RGL1: variants seen among roughly 807,000 people sequenced by gnomAD.
RGL1 encodes the protein ral guanine nucleotide dissociation stimulator like 1, also known as ral guanine nucleotide dissociation stimulator-like 1.
In RGL1, 24 loss-of-function variants were observed where a neutral mutation model predicts 95.2. The observed-to-expected ratio is 0.25, with a 90% CI of 0.18 to 0.35. The LOEUF (loss-of-function observed/expected upper bound fraction) is 0.35, where lower values mean the gene tolerates loss of function less well. RGL1 is among the 10% of genes least tolerant of loss of function. The pLI, the probability that RGL1 is intolerant of heterozygous loss-of-function variation, is 1.00. For missense variants in RGL1, 715 were observed against 936.3 expected, an observed-to-expected ratio of 0.76 and a Z score of 3.08; for synonymous variants, 329 against 344.9, an observed-to-expected ratio of 0.95 and a Z score of 0.51.
chr1:183,658,417 G>A (rs1651347610), intron 1 of RGL1, among the ~76,000 whole-genome samples: 1 of 152,204 alleles, frequency 6.6e-6, no homozygotes, highest in South Asian at 2.1e-4. Flanking sequence ...TCCCGCACCT[G>A]GCTCGGAGGG....
At chr1:183,878,061 A>G (rs1017586065) in intron 4 of RGL1, among the ~76,000 whole-genome samples, 1 of 152,204 alleles carries the variant, frequency 6.6e-6, no homozygotes, top group Non-Finnish European at 1.5e-5. Context: ...TGGTGTGTCC[A>G]CATCATGAGA....
At chr1:183,757,116 C>T (rs921205245) in intron 2 of RGL1, among the ~76,000 whole-genome samples, 1 of 151,112 alleles carries the variant, frequency 6.6e-6, no homozygotes, top group Non-Finnish European at 1.5e-5. Context: ...AATACCACAA[C>T]GATATGCAAT....
chr1:183,804,198 A>AT (rs10637613), upstream of RGL1, among the ~76,000 whole-genome samples: 77,861 of 149,860 alleles, frequency 0.52, 20,757 homozygotes, highest in East Asian at 0.87. Flanking sequence ...TGGGAGACCT[A>AT]TTTTTTTTTT....
intron 1 of RGL1, among the ~76,000 whole-genome samples, chr1:183,721,485 A>G (rs1368077832): frequency 3.7e-4 from 57 of 152,122 alleles, no homozygotes; most frequent in Admixed American, 3.7e-3. Context: ...ACTGGGTGCA[A>G]TCTTTCAAAG....
chr1:183,849,483 G>GTTTTTTTTTTTTTTTTTTTTTTTTTTTTT (rs1418103960), intron 3 of RGL1, among the ~76,000 whole-genome samples: 1 of 120,852 alleles, frequency 8.3e-6, no homozygotes, highest in African/African-American at 3.2e-5. Context: ...CCAGTTTTTA[G>GTTTTTTTTTTTTTTTTTTTTTTTTTTTTT]TTTTTTTTTT....
intron 1 of RGL1, among the ~76,000 whole-genome samples, chr1:183,662,860 A>G (rs1651745115): frequency 6.6e-6 from 1 of 152,248 alleles, no homozygotes; most frequent in African/African-American, 2.4e-5. Flanking sequence ...GTACCAAAAC[A>G]GAGACATAGA....
Position 183,918,171 on chromosome 1 carries a change from A to T in RGL1, c.2004+1470A>T, listed in dbSNP as rs770342623. Among the ~76,000 whole-genome samples, 87 of 152,344 alleles carry T rather than the reference A, an allele frequency of 5.7e-4. No individual in the cohort carries two copies. The Middle Eastern group carries it at 0.01, about 18-fold the overall frequency. ...GGACATTTAAATCAGAGGTACCAGT[A>T]TGACATCAGATGGCATTGTCTGATA... is the stretch of plus-strand genomic sequence containing the variant. On this transcript the variant is annotated intron_variant, in intron 16 of 17. Transcript: ENST00000360851.
intron 2 of RGL1, among the ~76,000 whole-genome samples, chr1:183,788,778 C>T (rs753797300): frequency 1.3e-4 from 20 of 152,176 alleles, no homozygotes; most frequent in Non-Finnish European, 2.5e-4. Context: ...AGATGTAGTG[C>T]TATTCTTATT....
chr1:183,661,695 T>C (rs1216661206), intron 1 of RGL1, among the ~76,000 whole-genome samples: 1 of 149,578 alleles, frequency 6.7e-6, no homozygotes, highest in Non-Finnish European at 1.5e-5. Flanking sequence ...GAATCCTCCC[T>C]AACTCATTTT....
intron 2 of RGL1, among the ~76,000 whole-genome samples, chr1:183,760,695 G>A (rs1238046585): frequency 1.3e-5 from 2 of 151,952 alleles, no homozygotes; most frequent in Non-Finnish European, 2.9e-5. Flanking sequence ...GGAGGCTGTA[G>A]TGAGGTATGA....
At chr1:183,769,468 T>C (rs944680024) in intron 2 of RGL1, among the ~76,000 whole-genome samples, 1 of 152,260 alleles carries the variant, frequency 6.6e-6, no homozygotes, top group Non-Finnish European at 1.5e-5. Context: ...ATTAAAGATT[T>C]ACATAAGTCA....
intron 1 of RGL1, among the ~76,000 whole-genome samples, chr1:183,688,910 G>GTAA (rs2102104443): frequency 6.6e-6 from 1 of 152,218 alleles, no homozygotes; most frequent in Admixed American, 6.5e-5. Flanking sequence ...TCCAAAGAGA[G>GTAA]GTTTACGAAG....
At position 183,645,446 on chromosome 1, in the gene RGL1, C is replaced by T. The variant is rs573474005; in HGVS notation, c.-33+8945C>T. Among the ~76,000 whole-genome samples, 66 of 152,328 alleles carry T rather than the reference C, an allele frequency of 4.3e-4. 1 individual carries two copies. Among genetic ancestry groups the T allele is most frequent in the African/African-American group, 1.6e-3 (66 of 41,580 alleles). Reference sequence around the variant, plus strand: ...TGTTTTCTTGGGATATATCCCAGTGCCTTTTCCAGATCATCATATTACTAG... The same window carrying T: ...TGTTTTCTTGGGATATATCCCAGTGTCTTTTCCAGATCATCATATTACTAG... On this transcript the variant is annotated intron_variant, in intron 1 of 18. Transcript: ENST00000304685.
chr1:183,842,536 A>C (rs568844687), intron 2 of RGL1, among the ~76,000 whole-genome samples: 9 of 152,134 alleles, frequency 5.9e-5, no homozygotes, highest in Non-Finnish European at 1.0e-4. Context: ...AGTTTTAGAT[A>C]TTTACCCCAT....
intron 2 of RGL1, among the ~76,000 whole-genome samples, chr1:183,833,142 CTTTAA>C (rs1187362761): frequency 6.6e-6 from 1 of 152,118 alleles, no homozygotes; most frequent in Non-Finnish European, 1.5e-5. Flanking sequence ...ATATATAGTT[CTTTAA>C]TTTAAAGCAG....
intron 17 of RGL1, among the ~76,000 whole-genome samples, chr1:183,922,963 C>A (rs1669397934): frequency 1.3e-5 from 2 of 152,048 alleles, no homozygotes; most frequent in South Asian, 4.2e-4. Flanking sequence ...AAATAATCAC[C>A]CTTGCATGTA....
intron 2 of RGL1, among the ~76,000 whole-genome samples, chr1:183,842,223 G>C (rs750926417): frequency 6.6e-6 from 1 of 152,136 alleles, no homozygotes; most frequent in Non-Finnish European, 1.5e-5. Context: ...ACTGAAGAGT[G>C]ATCATGGTGT....
Position 183,922,022 on chromosome 1 carries a change from C to T in RGL1, c.2005-200C>T, listed in dbSNP as rs577611214. Among the ~76,000 whole-genome samples the T allele has an allele frequency of 5.3e-5, 8 of 152,274 alleles. No individual in the cohort carries two copies. In the East Asian group the frequency reaches 9.7e-4, roughly 18 times the overall value. On this transcript the variant is annotated intron_variant, in intron 16 of 17. Coordinates refer to ENST00000360851, the MANE Select transcript of RGL1 (RefSeq NM_001297671.3). ...GCTGTGACTCAGAGATTAGGTGACTCGCCCATCATCTGTGGCTGCTAAGGG... is the reference window on the plus strand; with the variant it reads ...GCTGTGACTCAGAGATTAGGTGACTTGCCCATCATCTGTGGCTGCTAAGGG...
intron 15 of RGL1, among the ~76,000 whole-genome samples, chr1:183,912,881 G>T (rs1041173323): frequency 6.6e-6 from 1 of 152,144 alleles, no homozygotes; most frequent in African/African-American, 2.4e-5. Context: ...TACTTGAGTC[G>T]TATCAACCAA....
Sources: gnomAD v4.1 joint callset for allele counts (sites outside exome capture counted in the v4.1 genomes callset) on GRCh38, gnomAD v4.1.1 for gene constraint, MANE v1.5 for transcripts, NCBI Gene and HGNC (gene_info 2026-07-23, HGNC 2026-07-21) for gene names.